EPHA4: variants seen among roughly 807,000 people sequenced by gnomAD.
EPHA4 encodes EPH receptor A4.
Under a neutral mutation model 108.3 loss-of-function variants are expected in EPHA4, and 19 were observed. The observed-to-expected ratio is 0.18, with a 90% CI of 0.12 to 0.26. EPHA4 has a LOEUF of 0.26. Ranked by LOEUF, EPHA4 falls within the 10% of genes least tolerant of loss-of-function variation. The pLI is 1.00. For synonymous variants in EPHA4, 449 were observed against 455.5 expected, an observed-to-expected ratio of 0.99 and a Z score of 0.18; for missense variants, 917 against 1,254.0, an observed-to-expected ratio of 0.73 and a Z score of 4.06.
At chr2:221,505,048 C>T (rs1168125228) in intron 3 of EPHA4, among the ~76,000 whole-genome samples, 1 of 152,128 alleles carries the variant, frequency 6.6e-6, no homozygotes, top group Non-Finnish European at 1.5e-5. Flanking sequence ...AAGGCAGCCA[C>T]ACTTTGCTCT....
chr2:221,566,951 A>AGAAGGAGAAGGG lies in EPHA4; in HGVS notation c.159+1766_159+1767insCCCTTCTCCTTC, dbSNP rs1559297381. On this transcript the variant is annotated intron_variant, in intron 2 of 17. Transcript: ENST00000281821. ...GAGAAGGAGAAGGAGAAGGAGAAGGAGAAGGGGAAGAGGAAGAGGAAGAAG... is the reference window on the plus strand; with the variant it reads ...GAGAAGGAGAAGGAGAAGGAGAAGGAGAAGGAGAAGGGGAAGGGGAAGAGGAAGAGGAAGAAG... Among the ~76,000 whole-genome samples, 65 of 48,612 alleles carry AGAAGGAGAAGGG rather than the reference A, an allele frequency of 1.3e-3. 1 individual carries two copies. The highest frequency in any genetic ancestry group is 6.0e-3 in the East Asian group (6 of 1,000). The allele number at this position is 48,612 out of a possible 152,430, so 31.9% of individuals were successfully genotyped here.
intron 5 of EPHA4, 148 bp downstream of exon 5, chr2:221,482,204 C>A (rs1574599936): frequency 4.7e-6 from 4 of 843,934 alleles, no homozygotes; most frequent in Non-Finnish European, 7.0e-6. Context: ...AGCCACCGTG[C>A]CCAGCCCCTA....
chr2:221,470,761 T>C (rs2106129779), intron 5 of EPHA4, among the ~76,000 whole-genome samples: 1 of 152,170 alleles, frequency 6.6e-6, no homozygotes, highest in South Asian at 2.1e-4. Flanking sequence ...TAAATTACAG[T>C]CAGAACATTT....
chr2:221,545,173 C>T (rs1281739307), intron 3 of EPHA4, among the ~76,000 whole-genome samples: 13 of 152,158 alleles, frequency 8.5e-5, no homozygotes, highest in East Asian at 7.7e-4. Flanking sequence ...TATGGCCGGG[C>T]GCGGTGGCTC....
chr2:221,457,926 C>A lies in EPHA4; in HGVS notation c.1383G>T (p.Trp461Cys), dbSNP rs1245084455. 1 of 1,613,870 alleles carries A rather than the reference C, an allele frequency of 6.2e-7. No homozygotes were observed. The highest frequency in any genetic ancestry group is 1.3e-5 in the African/African-American group (1 of 75,034). ...EVTRYSVALA[W>C]LEPDRPNGVI... is the part of the protein sequence containing the mutation. The stretch of plus-strand genomic sequence containing the variant: ...CCCCATTGGGCCGATCTGGTTCCAG[C>A]CAAGCCAGTGCCACACTGTATCTTG... Residue 461 changes from tryptophan (W) to cysteine (C), a missense_variant, in exon 6 of 18, where the codon TGG (tryptophan) becomes TGT (cysteine). Transcript: ENST00000281821.
At chr2:221,508,124 G>A (rs1220321944) in intron 3 of EPHA4, among the ~76,000 whole-genome samples, 1 of 152,288 alleles carries the variant, frequency 6.6e-6, no homozygotes, top group East Asian at 1.9e-4. Flanking sequence ...AAATAGACCC[G>A]TGTCTAAGTA....
chr2:221,571,897 C>T lies in EPHA4; in HGVS notation c.91+261G>A, dbSNP rs577603112. 6.6e-6 allele frequency among the ~76,000 whole-genome samples: 1 copy of T among 152,308 alleles called. No homozygotes were observed. Among genetic ancestry groups the T allele is most frequent in the African/African-American group, 2.4e-5 (1 of 41,566 alleles). On this transcript the variant is annotated intron_variant, in intron 1 of 17. Coordinates refer to ENST00000281821, the MANE Select transcript of EPHA4 (RefSeq NM_004438.5). The surrounding 1 kb of genome is among the most constrained non-coding windows in gnomAD (Gnocchi z 6.3). ...GGGCGCCTCGAGCGGGCCTCTCTGG[C>T]GGATGCTGATAAACTTTGGCCTTTG... is the stretch of plus-strand genomic sequence containing the variant.
intron 5 of EPHA4, among the ~76,000 whole-genome samples, chr2:221,479,479 C>T (rs1691755564): frequency 6.6e-6 from 1 of 152,198 alleles, no homozygotes; most frequent in Non-Finnish European, 1.5e-5. Flanking sequence ...TGCTAACGTT[C>T]ATTAATTCTA....
chr2:221,422,574 G>C (rs144663435), intron 17 of EPHA4, among the ~76,000 whole-genome samples: 3 of 152,176 alleles, frequency 2.0e-5, no homozygotes, highest in Admixed American at 6.5e-5. Flanking sequence ...TGAGATGTAA[G>C]GGAATGTGAA....
intron 5 of EPHA4, among the ~76,000 whole-genome samples, chr2:221,466,863 A>G (rs978398831): frequency 5.9e-5 from 9 of 151,904 alleles, no homozygotes; most frequent in Non-Finnish European, 1.3e-4. Context: ...TGATCTACAG[A>G]AAGCGGCTGA....
At chr2:221,424,574 A>T (rs1354109326) in intron 17 of EPHA4, among the ~76,000 whole-genome samples, 1 of 152,216 alleles carries the variant, frequency 6.6e-6, no homozygotes, top group East Asian at 1.9e-4. Context: ...ATATAAAAAT[A>T]GAAGCATTGA....
At chr2:221,462,921 T>C (rs979976080) in intron 5 of EPHA4, among the ~76,000 whole-genome samples, 3 of 152,240 alleles carry the variant, frequency 2.0e-5, no homozygotes, top group Non-Finnish European at 4.4e-5. Context: ...GTAGGGCATA[T>C]GCAAATAGTT....
At chr2:221,433,783 A>G (rs1690150646) in intron 14 of EPHA4, among the ~76,000 whole-genome samples, 1 of 152,190 alleles carries the variant, frequency 6.6e-6, no homozygotes, top group African/African-American at 2.4e-5. Flanking sequence ...TGTCCGTTTT[A>G]TCATATGTGA....
intron 13 of EPHA4, among the ~76,000 whole-genome samples, chr2:221,435,236 G>A (rs3770200): frequency 0.73 from 110,374 of 152,038 alleles, 40,672 homozygotes; most frequent in East Asian, 0.96. Context: ...GTTACGCACA[G>A]AAGGACACTT....
At chr2:221,489,489 C>G (rs192122073) in intron 4 of EPHA4, among the ~76,000 whole-genome samples, 75 of 152,294 alleles carry the variant, frequency 4.9e-4, no homozygotes, top group Admixed American at 3.5e-3. Flanking sequence ...GGAATTCTCA[C>G]TCCCGGCCCT....
chr2:221,540,415 C>G (rs1016959399), intron 3 of EPHA4, among the ~76,000 whole-genome samples: 2 of 152,194 alleles, frequency 1.3e-5, no homozygotes, highest in African/African-American at 4.8e-5. Context: ...TACTATGTAA[C>G]AAATAATTTG....
At chr2:221,504,039 C>T (rs1422938505) in intron 3 of EPHA4, among the ~76,000 whole-genome samples, 1 of 152,174 alleles carries the variant, frequency 6.6e-6, no homozygotes, top group Non-Finnish European at 1.5e-5. Flanking sequence ...AACAAAACCC[C>T]TGTGAAAGAT....
chr2:221,552,374 C>T (rs1249480136), intron 3 of EPHA4, among the ~76,000 whole-genome samples: 1 of 152,190 alleles, frequency 6.6e-6, no homozygotes, highest in Non-Finnish European at 1.5e-5. Context: ...CCTCTTGCAT[C>T]CATTTTCAAA....
intron 3 of EPHA4, 122 bp from the exon 4 acceptor site, chr2:221,501,294 T>C: frequency 1.1e-6 from 1 of 872,482 alleles, no homozygotes; most frequent in Non-Finnish European, 1.6e-6. Flanking sequence ...TTAGCGATCA[T>C]GTGGCTTGAA....
Sources: gnomAD v4.1 joint callset for allele counts (sites outside exome capture counted in the v4.1 genomes callset) on GRCh38, gnomAD v4.1.1 for gene constraint, Gnocchi (gnomAD v3.1) non-coding constraint, MANE v1.5 for transcripts, NCBI Gene and HGNC (gene_info 2026-07-23, HGNC 2026-07-21) for gene names.